Variants in CFAP206 observed in about 807,000 individuals in gnomAD.
The protein encoded by CFAP206 is cilia and flagella associated protein 206.
In CFAP206, 53 loss-of-function variants were observed where a neutral mutation model predicts 65.4. That is an observed-to-expected ratio of 0.81 (90% CI 0.65 to 1.02). CFAP206 has a LOEUF of 1.02. Among genes scored for constraint, CFAP206 ranks in the 50% least tolerant of loss-of-function variants. The pLI, the probability that CFAP206 is intolerant of heterozygous loss-of-function variation, is 0.00. For synonymous variants in CFAP206, 250 were observed against 254.4 expected, an observed-to-expected ratio of 0.98 and a Z score of 0.17; for missense variants, 663 against 753.2, an observed-to-expected ratio of 0.88 and a Z score of 1.40.
At chr6:87,463,410 A>G (rs144592454) in intron 12 of CFAP206, among the ~76,000 whole-genome samples, 2 of 152,304 alleles carry the variant, frequency 1.3e-5, no homozygotes, top group African/African-American at 2.4e-5. Context: ...CTCACATGCT[A>G]TAATGCCTTT....
At chr6:87,427,607 A>G (rs569899154) in intron 8 of CFAP206, among the ~76,000 whole-genome samples, 3 of 152,338 alleles carry the variant, frequency 2.0e-5, no homozygotes, top group Admixed American at 1.3e-4. Context: ...AATAGGAATA[A>G]GAAACATATC....
At chr6:87,415,597 G>A in intron 4 of CFAP206, 89 bp from the exon 5 acceptor site, 3 of 1,152,104 alleles carry the variant, frequency 2.6e-6, no homozygotes, top group Non-Finnish European at 1.3e-6. Flanking sequence ...AAGTAGAATT[G>A]CCATATCCAA....
Position 87,462,223 on chromosome 6 carries a change from T to G in CFAP206, c.1638+1058T>G, listed in dbSNP as rs533944964. On this transcript the variant is annotated intron_variant, in intron 12 of 12. Coordinates refer to ENST00000369562, the MANE Select transcript of CFAP206 (RefSeq NM_001031743.3). The stretch of plus-strand genomic sequence containing the variant: ...ATATGGTCTAGCCTTTGTCCATTTG[T>G]ATATTCAGTCCATTTGTATATTCAG... 6.6e-5 allele frequency among the ~76,000 whole-genome samples: 10 copies of G among 152,340 alleles called. No homozygotes were observed. In the South Asian group the frequency reaches 8.3e-4, roughly 13 times the overall value.
chr6:87,409,856 C>G lies in CFAP206; in HGVS notation c.17C>G (p.Ala6Gly), dbSNP rs531012169. 9.4e-5 allele frequency: 151 copies of G among 1,611,222 alleles called. 3 individuals carry two copies. In the South Asian group the frequency reaches 1.6e-3, roughly 17 times the overall value. The change falls in exon 2 of 13, where the codon GCC becomes GGC. Residue 6 changes from alanine to glycine, a missense_variant. Physicochemically the swap from Ala to Gly is moderately conservative, Grantham distance 60 (BLOSUM62 0). Coordinates refer to ENST00000369562, the MANE Select transcript of CFAP206 (RefSeq NM_001031743.3). ...TTAGCCAGAATGCCTCCAACTCAGG[C>G]CGAAAGTGTTATAAGGAGTATTATA... MPPTQ[A>G]ESVIRSIIRE... is the part of the protein sequence containing the mutation.
intron 8 of CFAP206, 119 bp from the exon 9 acceptor site, chr6:87,428,506 AC>A: frequency 2.3e-6 from 2 of 864,298 alleles, no homozygotes; most frequent in South Asian, 3.1e-5. Context: ...AGTTCGTAAG[AC>A]TTTTGCTTAG....
chr6:87,446,729 G>A (rs1300979621), intron 11 of CFAP206, among the ~76,000 whole-genome samples: 3 of 152,162 alleles, frequency 2.0e-5, no homozygotes, highest in Admixed American at 6.6e-5. Flanking sequence ...AATCTGTGAA[G>A]TATGTCAATG....
intron 11 of CFAP206, among the ~76,000 whole-genome samples, chr6:87,446,274 GC>G (rs1768439449): frequency 6.6e-6 from 1 of 152,108 alleles, no homozygotes; most frequent in African/African-American, 2.4e-5. Context: ...TGAAATATTT[GC>G]CCATGTGTAT....
At chr6:87,451,235 A>G (rs1481328817) in intron 11 of CFAP206, among the ~76,000 whole-genome samples, 1 of 152,198 alleles carries the variant, frequency 6.6e-6, no homozygotes, top group African/African-American at 2.4e-5. Context: ...GAGTGCTTGC[A>G]TTACCCCTTT....
At chr6:87,442,852 TA>T (rs1389782885) in intron 11 of CFAP206, among the ~76,000 whole-genome samples, 1 of 152,158 alleles carries the variant, frequency 6.6e-6, no homozygotes, top group Non-Finnish European at 1.5e-5. Flanking sequence ...TTTATTTATT[TA>T]AAAAATACAT....
At chr6:87,450,663 C>T (rs1768526480) in intron 11 of CFAP206, among the ~76,000 whole-genome samples, 1 of 151,234 alleles carries the variant, frequency 6.6e-6, no homozygotes, top group Admixed American at 6.6e-5. Context: ...CAGTGATCAT[C>T]CCCCGACAGG....
intron 7 of CFAP206, 90 bp downstream of exon 7, chr6:87,418,506 G>C (rs1000448677): frequency 9.2e-7 from 1 of 1,089,332 alleles, no homozygotes; most frequent in Non-Finnish European, 1.4e-6. Context: ...CACTAATTAA[G>C]GAGAAAACCT....
chr6:87,438,201 G>A (rs1041524229), intron 11 of CFAP206, among the ~76,000 whole-genome samples: 1 of 151,972 alleles, frequency 6.6e-6, no homozygotes, highest in African/African-American at 2.4e-5. Flanking sequence ...GGTGGCTCAC[G>A]CCTGTAATCC....
intron 10 of CFAP206, among the ~76,000 whole-genome samples, chr6:87,432,458 C>T (rs1485202240): frequency 2.0e-5 from 3 of 152,294 alleles, no homozygotes; most frequent in South Asian, 4.1e-4. Context: ...CTCTCCCTCC[C>T]CTCCTGCCTC....
chr6:87,438,356 G>A (rs996498732), intron 11 of CFAP206, among the ~76,000 whole-genome samples: 7 of 151,702 alleles, frequency 4.6e-5, no homozygotes, highest in Non-Finnish European at 7.4e-5. Context: ...AGCTACTCGG[G>A]AGGCTGAGGC....
chr6:87,434,925 G>T lies in CFAP206; in HGVS notation c.1366G>T (p.Ala456Ser). The change falls in exon 11 of 13, where the codon GCA (alanine) becomes TCA (serine). Residue 456 changes from alanine (A) to serine (S), a missense_variant. Coordinates refer to ENST00000369562, the MANE Select transcript of CFAP206 (RefSeq NM_001031743.3). ...TTACACATTCAATAGTAAAGATGCT[G>T]CATATTCATTTGCAGAAAATCCTGA... ...KYYTFNSKDA[A>S]YSFAENPEHY... The T allele has an allele frequency of 6.5e-7, 1 of 1,546,648 alleles. No individual in the cohort carries two copies. The highest frequency in any genetic ancestry group is 2.3e-5 in the East Asian group (1 of 44,374).
chr6:87,441,733 GA>G, intron 11 of CFAP206: 1 of 196,878 alleles, frequency 5.1e-6, no homozygotes, highest in Admixed American at 5.1e-5. Flanking sequence ...TTCCACTTGG[GA>G]AAATTACATT....
chr6:87,409,692 C>T (rs1319856439), intron 1 of CFAP206, 143 bp from the exon 2 acceptor site: 1 of 582,290 alleles, frequency 1.7e-6, no homozygotes. Context: ...ACAGGAGAGG[C>T]CTAGATACTA....
chr6:87,438,189 G>A (rs893245720), intron 11 of CFAP206, among the ~76,000 whole-genome samples: 11 of 152,168 alleles, frequency 7.2e-5, no homozygotes, highest in South Asian at 2.1e-4. Context: ...CTGACCAGGC[G>A]TGGTGGCTCA....
At position 87,410,471 on chromosome 6, in the gene CFAP206, C is replaced by T. The variant is rs924978885; in HGVS notation, c.109-114C>T. 6.0e-5 allele frequency: 48 copies of T among 800,338 alleles called. No individual in the cohort carries two copies. In the Admixed American group the frequency reaches 6.9e-4, roughly 12 times the overall value. The allele number at this position is 800,338 out of a possible 1,614,324, so 49.6% of individuals were successfully genotyped here. A position where few individuals can be genotyped will look rare whatever the true frequency, so the allele number is the denominator to read the frequency against. On this transcript the variant is annotated intron_variant, in intron 2 of 12. Transcript: ENST00000369562. ...AGAATAGTTGGAAAACCAACCCCAACGTAATCAAGAGGTAGTTGTTTAAAA... is the reference window on the plus strand; with the variant it reads ...AGAATAGTTGGAAAACCAACCCCAATGTAATCAAGAGGTAGTTGTTTAAAA...
Sources: allele counts gnomAD v4.1 joint callset (sites outside exome capture counted in the v4.1 genomes callset), GRCh38; gene constraint gnomAD v4.1.1; transcripts MANE v1.5; gene names NCBI Gene and HGNC (gene_info 2026-07-23, HGNC 2026-07-21).